The following PCDHGA1 variants were observed in gnomAD, a reference collection of about 807,000 sequenced individuals.
The protein encoded by PCDHGA1 is protocadherin gamma-A1.
A neutral mutation model predicts 58.0 loss-of-function variants in PCDHGA1; 32 were observed. The ratio of observed to expected loss-of-function variants is 0.55; its 90% confidence interval spans 0.42 to 0.74. The LOEUF is 0.74. PCDHGA1 is among the 30% of genes least tolerant of loss of function. The pLI is 0.00. For missense variants in PCDHGA1, 1,205 were observed against 1,182.3 expected, an observed-to-expected ratio of 1.02 and a Z score of -0.28; for synonymous variants, 498 against 501.1, an observed-to-expected ratio of 0.99 and a Z score of 0.08.
rs11952292 is a variant in PCDHGA1 at position 141,491,682 on chromosome 5, G to T, written c.2422-3125G>T. The T allele has an allele frequency of 0.072, 115,891 of 1,613,112 alleles. 4,572 individuals carry two copies. The highest frequency in any genetic ancestry group is 0.11 in the South Asian group (9,996 of 91,042). ...ACGCCATCCGGTCCCGCTCTAATAC[G>T]CTGCGGGAGCGGAGCCAGGTGAGGG... On this transcript the variant is annotated intron_variant, in intron 1 of 3. Coordinates refer to ENST00000517417, the MANE Select transcript of PCDHGA1 (RefSeq NM_018912.3). The surrounding 1 kb of genome is among the most constrained non-coding windows in gnomAD (Gnocchi z 6.9).
rs556498014 is a variant in PCDHGA1, at chr5:141,368,537, TC to T, written c.2421+35434del. On this transcript the variant is annotated intron_variant, in intron 1 of 3. Coordinates refer to ENST00000517417, the MANE Select transcript of PCDHGA1 (RefSeq NM_018912.3). ...TCACTCCTATGTGAAAACTTGCTTT[TC>T]CATTTTTTTTAAAAGAAAATGTTAT... Among the ~76,000 whole-genome samples the T allele has an allele frequency of 2.0e-3, 312 of 152,342 alleles. 1 individual carries two copies. Among genetic ancestry groups the T allele is most frequent in the Middle Eastern group, 0.01 (3 of 294 alleles).
At chr5:141,498,881 T>C (rs9686648) in intron 2 of PCDHGA1, among the ~76,000 whole-genome samples, 77,838 of 149,554 alleles carry the variant, frequency 0.52, 20,828 homozygotes, top group African/African-American at 0.65. Flanking sequence ...TGCAGTGAGC[T>C]GAGATCACAC....
At chr5:141,413,369 A>G (rs767278842) in intron 1 of PCDHGA1, 1 of 1,613,964 alleles carries the variant, frequency 6.2e-7, no homozygotes, top group South Asian at 1.1e-5. Context: ...GAGCTGGCGG[A>G]GCGCGGAGTC....
chr5:141,383,505 G>C (rs1461557707), intron 1 of PCDHGA1: 10 of 1,612,818 alleles, frequency 6.2e-6, no homozygotes, highest in Admixed American at 1.7e-5. Context: ...TGCTGGACCG[G>C]GAGGAAGAGC....
intron 1 of PCDHGA1, chr5:141,371,262 C>A (rs368232567): frequency 1.9e-6 from 3 of 1,614,000 alleles, no homozygotes; most frequent in South Asian, 1.1e-5. Context: ...GGAAGTGAGA[C>A]AACTGTTCAA....
At chr5:141,473,944 CTGTA>C (rs2099333270) in intron 1 of PCDHGA1, among the ~76,000 whole-genome samples, 2 of 152,156 alleles carry the variant, frequency 1.3e-5, no homozygotes, top group Non-Finnish European at 2.9e-5. Context: ...TAGCTCAGGC[CTGTA>C]GTCCCATCTA....
At chr5:141,355,743 C>A (rs750434737) in intron 1 of PCDHGA1, 2 of 1,613,960 alleles carry the variant, frequency 1.2e-6, no homozygotes, top group East Asian at 2.2e-5. Flanking sequence ...TTTCCCTGGA[C>A]GTGCAAAGTG....
intron 1 of PCDHGA1, chr5:141,423,256 G>T (rs751894091): frequency 1.4e-5 from 22 of 1,613,816 alleles, no homozygotes; most frequent in Middle Eastern, 1.6e-4. Flanking sequence ...GGCGGACCTC[G>T]GCAGCCTCGA....
rs79464787 is a variant in PCDHGA1, at chr5:141,480,455, T to C, written c.2422-14352T>C. Among the ~76,000 whole-genome samples the C allele has an allele frequency of 7.4e-3, 1,134 of 152,274 alleles. 17 individuals are homozygous for C. The highest frequency in any genetic ancestry group is 0.026 in the African/African-American group (1,086 of 41,548). ...CAGCTATTACTATAATTATTTTTAT[T>C]AGTTCCTCACTCACCTAAAATCTCA... On this transcript the variant is annotated intron_variant, in intron 1 of 3. Transcript: ENST00000517417.
chr5:141,510,802 C>T (rs1358684730), intron 3 of PCDHGA1, 145 bp from the exon 4 acceptor site: 1 of 1,497,192 alleles, frequency 6.7e-7, no homozygotes, highest in African/African-American at 1.4e-5. Context: ...AGAGAGACTA[C>T]CTTGGTGACC....
rs1756433107 is a variant in PCDHGA1 at position 141,332,877 on chromosome 5, C to G, written c.2193C>G (p.Gly731=). ...GTCTGCTACAGGCTTCGGGAGGCGG[C>G]TTAGCGAGCATGCCCGGTTCGCACT... ...KSRLLQASGG[G]LASMPGSHFV... is the part of the protein sequence containing the mutation. Residue 731 remains glycine, a synonymous_variant, in exon 1 of 4, where the codon GGC becomes GGG. Transcript: ENST00000517417. The surrounding 1 kb of genome is among the most constrained non-coding windows in gnomAD (Gnocchi z 4.6). 1 of 1,614,096 alleles carries G rather than the reference C, an allele frequency of 6.2e-7. No individual in the cohort carries two copies. The highest frequency in any genetic ancestry group is 8.5e-7 in the Non-Finnish European group (1 of 1,180,044).
chr5:141,387,473 G>T (rs1032850562), intron 1 of PCDHGA1, among the ~76,000 whole-genome samples: 4 of 152,190 alleles, frequency 2.6e-5, no homozygotes, highest in Non-Finnish European at 4.4e-5. Context: ...CCTCAAAGTT[G>T]GGATGAAGGC....
chr5:141,492,384 C>G (rs1001189412), intron 1 of PCDHGA1, among the ~76,000 whole-genome samples: 1 of 152,230 alleles, frequency 6.6e-6, no homozygotes, highest in Non-Finnish European at 1.5e-5. Context: ...AGGCCTGTTC[C>G]GGTCCACTCG....
At position 141,347,786 on chromosome 5, in the gene PCDHGA1, C is replaced by CA. The variant is rs1186221035; in HGVS notation, c.2421+14696dup. ...GGGGCAATAGAGAGAGACTCCATCT[C>CA]AAAAAAAAAAAAAAAGTAGAGGCTG... On this transcript the variant is annotated intron_variant, in intron 1 of 3. Transcript: ENST00000517417. Among the ~76,000 whole-genome samples, 544 of 106,172 alleles carry CA rather than the reference C, an allele frequency of 5.1e-3. 4 individuals carry two copies. The highest frequency in any genetic ancestry group is 0.022 in the East Asian group (83 of 3,724). 69.7% of individuals were successfully genotyped at this position (106,172 alleles called of 152,430 possible). A position where few individuals can be genotyped will look rare whatever the true frequency, so the allele number is the denominator to read the frequency against.
chr5:141,389,478 G>C (rs764977787), intron 1 of PCDHGA1: 1 of 1,613,150 alleles, frequency 6.2e-7, no homozygotes, highest in Non-Finnish European at 8.5e-7. Context: ...CACACTGCAG[G>C]CCCGCGACCA....
intron 1 of PCDHGA1, among the ~76,000 whole-genome samples, chr5:141,454,476 A>G (rs918910449): frequency 6.6e-6 from 1 of 151,806 alleles, no homozygotes; most frequent in Non-Finnish European, 1.5e-5. Flanking sequence ...GCATGATCTC[A>G]GCTCACCGCA....
intron 1 of PCDHGA1, among the ~76,000 whole-genome samples, chr5:141,349,773 A>G (rs1208499029): frequency 2.6e-5 from 4 of 152,224 alleles, no homozygotes; most frequent in Non-Finnish European, 4.4e-5. Context: ...GTTTATAAAT[A>G]TAGTGAAATC....
At chr5:141,465,840 A>G (rs1212861707) in intron 1 of PCDHGA1, among the ~76,000 whole-genome samples, 1 of 151,734 alleles carries the variant, frequency 6.6e-6, no homozygotes, top group Non-Finnish European at 1.5e-5. Context: ...ATTTCAACTG[A>G]GGCTGGGCCC....
rs747811019 is a variant in PCDHGA1 at position 141,490,069 on chromosome 5, C to T, written c.2422-4738C>T. 6 of 1,614,150 alleles carry T rather than the reference C, an allele frequency of 3.7e-6. No homozygotes were observed. Among genetic ancestry groups the T allele is most frequent in the Non-Finnish European group, 5.1e-6 (6 of 1,180,044 alleles). ...TCCAGACGAGGGCACCAACGGCCAA[C>T]TAGACTATTCTTTTGGAGACCACAC... On this transcript the variant is annotated intron_variant, in intron 1 of 3. Transcript: ENST00000517417. This position sits in a 1 kb window ranked among gnomAD's most constrained non-coding sequence, Gnocchi z 5.4.
Sources: gnomAD v4.1 joint callset for allele counts (sites outside exome capture counted in the v4.1 genomes callset) on GRCh38, gnomAD v4.1.1 for gene constraint, Gnocchi (gnomAD v3.1) non-coding constraint, MANE v1.5 for transcripts, NCBI Gene and HGNC (gene_info 2026-07-23, HGNC 2026-07-21) for gene names.